The following EIF3A variants were observed in gnomAD, a reference collection of about 807,000 sequenced individuals.
The protein encoded by EIF3A is EIF3, p180 subunit.
In EIF3A, 21 loss-of-function variants were observed where a neutral mutation model predicts 186.6. The observed-to-expected ratio is 0.11, with a 90% CI of 0.08 to 0.16. The LOEUF is 0.16. Ranked by LOEUF, EIF3A falls within the 10% of genes least tolerant of loss-of-function variation. The pLI, the probability that EIF3A is intolerant of heterozygous loss-of-function variation, is 1.00. For synonymous variants in EIF3A, 563 were observed against 584.3 expected (o/e 0.96, Z 0.52); for missense variants, 1,306 against 1,796.3 (o/e 0.73, Z 4.93).
chr10:119,069,399 G>A (rs776902127), intron 6 of EIF3A, 47 bp downstream of exon 6: 9 of 939,540 alleles, frequency 9.6e-6, no homozygotes, highest in East Asian at 7.4e-5. Flanking sequence ...TATAATAGAC[G>A]ATATTTGTTA....
chr10:119,054,831 T>C (rs1848402729), intron 14 of EIF3A, among the ~76,000 whole-genome samples: 1 of 152,246 alleles, frequency 6.6e-6, no homozygotes, highest in South Asian at 2.1e-4. Context: ...TTCTAGCATT[T>C]GATTTAAAGT....
chr10:119,077,573 GAGA>G (rs1435331838), intron 1 of EIF3A, among the ~76,000 whole-genome samples: 19 of 140,548 alleles, frequency 1.4e-4, no homozygotes, highest in Admixed American at 2.8e-4. Flanking sequence ...TTTTTTTTTG[GAGA>G]AGGAGTCTCG....
intron 6 of EIF3A, among the ~76,000 whole-genome samples, chr10:119,068,997 G>GA (rs1212227342): frequency 1.3e-5 from 2 of 149,542 alleles, no homozygotes; most frequent in Non-Finnish European, 3.0e-5. Context: ...AAAAGAAAAG[G>GA]AAAAAAAAGT....
At chr10:119,079,560 G>A (rs1302092090) in intron 1 of EIF3A, among the ~76,000 whole-genome samples, 1 of 151,580 alleles carries the variant, frequency 6.6e-6, no homozygotes, top group Admixed American at 6.6e-5. Flanking sequence ...ATGCCCTAAC[G>A]ATTAGAAAAA....
chr10:119,046,813 C>G (rs143349270), intron 17 of EIF3A, among the ~76,000 whole-genome samples: 30 of 151,902 alleles, frequency 2.0e-4, no homozygotes, highest in African/African-American at 7.0e-4. Context: ...CAAAATTAGC[C>G]GGGCATGGTG....
At chr10:119,070,045 T>A (rs1377733445) in intron 5 of EIF3A, among the ~76,000 whole-genome samples, 1 of 152,244 alleles carries the variant, frequency 6.6e-6, no homozygotes, top group Non-Finnish European at 1.5e-5. Context: ...GCATGTTTAC[T>A]TATCTTCTAC....
At chr10:119,048,241 G>C (rs1022139599) in intron 17 of EIF3A, among the ~76,000 whole-genome samples, 6 of 151,896 alleles carry the variant, frequency 4.0e-5, no homozygotes, top group African/African-American at 1.5e-4. Flanking sequence ...CCACAACATA[G>C]AGGAAGGTCT....
intron 6 of EIF3A, among the ~76,000 whole-genome samples, 178 bp downstream of exon 6, chr10:119,069,268 A>G (rs1844034116): frequency 6.6e-6 from 1 of 152,236 alleles, no homozygotes; most frequent in South Asian, 2.1e-4. Flanking sequence ...GAAGCTGAGG[A>G]TGCTGCTAAA....
rs765993994 is a variant in EIF3A, at chr10:119,057,956, T to C, written c.1977A>G (p.Glu659=). ...TTTTAATAACTAAGATGCTACGTAC[T>C]TCAATATCAATATCTTTGAATGCTT... ...GAKAFKDIDI[E]DLEELDPDFI... Residue 659 remains glutamate, a splice_region_variant and synonymous_variant, in exon 12 of 22, where the codon GAA becomes GAG. Coordinates refer to ENST00000369144, the MANE Select transcript of EIF3A (RefSeq NM_003750.4). 1.2e-6 allele frequency: 2 copies of C among 1,609,104 alleles called. No homozygotes were observed. The highest frequency in any genetic ancestry group is 2.2e-5 in the South Asian group (2 of 90,280).
Position 119,042,596 on chromosome 10 carries a change from T to G in EIF3A, c.2924A>C (p.Asp975Ala). The change falls in exon 19 of 22, where the codon GAT becomes GCT. Residue 975 changes from aspartate to alanine, a missense_variant. By Grantham distance (126) the Asp-to-Ala change is moderately radical (BLOSUM62 -2). Coordinates refer to ENST00000369144, the MANE Select transcript of EIF3A (RefSeq NM_003750.4). This position sits in a 1 kb window ranked among gnomAD's most constrained non-coding sequence, Gnocchi z 7.8. ...DRGPRRGPEE[D>A]RFSRRGADDD... ...GTCTGCCCCACGACGAGAGAACCTA[T>G]CTTCCTCAGGACCACGTCTAGGGCC... The G allele has an allele frequency of 6.2e-7, 1 of 1,614,100 alleles. No individual in the cohort carries two copies. The highest frequency in any genetic ancestry group is 8.5e-7 in the Non-Finnish European group (1 of 1,180,018).
chr10:119,056,882 T>TA (rs755284559), intron 13 of EIF3A, 29 bp from the exon 14 acceptor site: 99 of 1,596,618 alleles, frequency 6.2e-5, no homozygotes, highest in Non-Finnish European at 8.0e-5. Context: ...CACGTAGTTT[T>TA]AAAAAATCTC....
chr10:119,044,831 G>A (rs1466885769), intron 17 of EIF3A, among the ~76,000 whole-genome samples: 2 of 152,110 alleles, frequency 1.3e-5, no homozygotes, highest in Non-Finnish European at 2.9e-5. Context: ...CTGCACCAGA[G>A]CGCAAGCCTC....
chr10:119,078,188 A>G (rs181174497), intron 1 of EIF3A, among the ~76,000 whole-genome samples: 40 of 152,256 alleles, frequency 2.6e-4, no homozygotes, highest in Admixed American at 7.2e-4. Flanking sequence ...AACATAAACT[A>G]TAATAAGGTC....
At chr10:119,045,889 G>A (rs1848277084) in intron 17 of EIF3A, among the ~76,000 whole-genome samples, 1 of 152,140 alleles carries the variant, frequency 6.6e-6, no homozygotes, top group Non-Finnish European at 1.5e-5. Flanking sequence ...GAGCAGAATG[G>A]CCCTGGCTGA....
At position 119,050,505 on chromosome 10, in the gene EIF3A, T is replaced by G; in HGVS notation, c.2473+16A>C. On this transcript the variant is annotated intron_variant, in intron 16 of 21. Coordinates refer to ENST00000369144, the MANE Select transcript of EIF3A (RefSeq NM_003750.4). ...CCTTGCATTAGCACCCCTCCAATCCTGTTTGACCTGTGTACCTTTTAGCAT... is the reference window on the plus strand; with the variant it reads ...CCTTGCATTAGCACCCCTCCAATCCGGTTTGACCTGTGTACCTTTTAGCAT... 1 of 1,612,466 alleles carries G rather than the reference T, an allele frequency of 6.2e-7. No individual in the cohort carries two copies. The highest frequency in any genetic ancestry group is 1.1e-5 in the South Asian group (1 of 90,990).
At chr10:119,047,416 G>C (rs959367969) in intron 17 of EIF3A, among the ~76,000 whole-genome samples, 3 of 152,128 alleles carry the variant, frequency 2.0e-5, no homozygotes, top group Admixed American at 6.6e-5. Context: ...CATGTTAAAT[G>C]CAAGTAAATT....
intron 4 of EIF3A, among the ~76,000 whole-genome samples, chr10:119,071,579 C>T (rs907470467): frequency 5.3e-5 from 8 of 152,074 alleles, no homozygotes; most frequent in African/African-American, 1.7e-4. Context: ...ATTTTTTTAC[C>T]GTCACATATG....
rs763388093 is a variant in EIF3A, at chr10:119,051,184, A to C, written c.2319+15T>G. On this transcript the variant is annotated intron_variant, in intron 15 of 21. Coordinates refer to ENST00000369144, the MANE Select transcript of EIF3A (RefSeq NM_003750.4). Reference sequence around the variant, plus strand: ...AGCTCATGAATAAACATTTCCCAAAAATCAGCAAGCTCACCTCATAAACAG... The same window carrying C: ...AGCTCATGAATAAACATTTCCCAAACATCAGCAAGCTCACCTCATAAACAG... 3 of 1,590,990 alleles carry C rather than the reference A, an allele frequency of 1.9e-6. No individual in the cohort carries two copies. Among genetic ancestry groups the C allele is most frequent in the South Asian group, 1.2e-5 (1 of 86,660 alleles).
intron 9 of EIF3A, 50 bp from the exon 10 acceptor site, chr10:119,059,768 C>T (rs1564755286): frequency 8.4e-7 from 1 of 1,187,332 alleles, no homozygotes; most frequent in East Asian, 2.3e-5. Flanking sequence ...TTATTCAGCA[C>T]TTTTTATGTG....
Sources: gnomAD v4.1 joint callset for allele counts (sites outside exome capture counted in the v4.1 genomes callset) on GRCh38, gnomAD v4.1.1 for gene constraint, Gnocchi (gnomAD v3.1) non-coding constraint, MANE v1.5 for transcripts, NCBI Gene and HGNC (gene_info 2026-07-23, HGNC 2026-07-21) for gene names.